DOCK1: variants seen among roughly 807,000 people sequenced by gnomAD.
The protein encoded by DOCK1 is dedicator of cytokinesis 1.
A neutral mutation model predicts 262.7 loss-of-function variants in DOCK1; 138 were observed. The observed-to-expected ratio is 0.53, with a 90% confidence interval of 0.46 to 0.61. The LOEUF is 0.61. Ranked by LOEUF, DOCK1 falls within the 20% of genes least tolerant of loss-of-function variation. The pLI is 0.00. For missense variants in DOCK1, 1,908 were observed against 2,370.7 expected, an observed-to-expected ratio of 0.80 and a Z score of 4.05; for synonymous variants, 866 against 867.4, an observed-to-expected ratio of 1.00 and a Z score of 0.03.
chr10:127,400,242 G>A (rs1453866067), intron 38 of DOCK1, among the ~76,000 whole-genome samples: 3 of 152,138 alleles, frequency 2.0e-5, no homozygotes, highest in African/African-American at 7.2e-5. Flanking sequence ...AGTACTTTGG[G>A]AGCATTTAAG....
At chr10:127,023,442 G>A in intron 14 of DOCK1, 118 bp downstream of exon 14, 5 of 1,383,624 alleles carry the variant, frequency 3.6e-6, no homozygotes, top group Non-Finnish European at 4.9e-6. Context: ...CCGTTTCTTG[G>A]GATTGGCGTT....
intron 23 of DOCK1, among the ~76,000 whole-genome samples, chr10:127,064,276 T>G (rs958578582): frequency 4.6e-5 from 7 of 152,142 alleles, no homozygotes; most frequent in Non-Finnish European, 8.8e-5. Flanking sequence ...CCTGGCTAAT[T>G]TTTTTGAATT....
chr10:126,970,149 G>A (rs2037989709), intron 1 of DOCK1, among the ~76,000 whole-genome samples: 1 of 152,120 alleles, frequency 6.6e-6, no homozygotes, highest in African/African-American at 2.4e-5. Flanking sequence ...AGGGGCTTAT[G>A]TAGGAGCACT....
intron 29 of DOCK1, among the ~76,000 whole-genome samples, chr10:127,330,055 T>C (rs1453987153): frequency 6.6e-6 from 1 of 152,166 alleles, no homozygotes; most frequent in Non-Finnish European, 1.5e-5. Flanking sequence ...TAACTCCGCG[T>C]TGGGGCTCCT....
At chr10:126,929,071 C>A (rs984717540) in intron 1 of DOCK1, among the ~76,000 whole-genome samples, 2 of 152,178 alleles carry the variant, frequency 1.3e-5, no homozygotes, top group Non-Finnish European at 2.9e-5. Context: ...GTGTTTAGAT[C>A]CATCAGGTAC....
At chr10:127,308,850 G>C (rs965086392) in intron 29 of DOCK1, among the ~76,000 whole-genome samples, 6 of 152,108 alleles carry the variant, frequency 3.9e-5, no homozygotes, top group African/African-American at 1.4e-4. Flanking sequence ...TGGGCTTTTG[G>C]GTTGGTTCCA....
intron 1 of DOCK1, among the ~76,000 whole-genome samples, chr10:126,957,582 C>T (rs916330738): frequency 6.6e-5 from 10 of 152,120 alleles, no homozygotes; most frequent in Admixed American, 3.9e-4. Context: ...AACTCCTGGG[C>T]TCAAGTGATC....
chr10:127,408,998 T>G, intron 40 of DOCK1, 39 bp from the exon 41 acceptor site: 1 of 1,553,146 alleles, frequency 6.4e-7, no homozygotes, highest in Middle Eastern at 1.7e-4. Context: ...TCCTGGCCCT[T>G]TCTCTGTGGT....
chr10:127,048,521 T>C (rs1416338234), intron 21 of DOCK1, among the ~76,000 whole-genome samples: 1 of 152,214 alleles, frequency 6.6e-6, no homozygotes, highest in Non-Finnish European at 1.5e-5. Context: ...TGTTGAAGCC[T>C]AAATCATCAT....
chr10:127,450,792 A>C (rs1591115022), intron 51 of DOCK1, among the ~76,000 whole-genome samples: 1 of 152,200 alleles, frequency 6.6e-6, no homozygotes, highest in Admixed American at 6.5e-5. Context: ...TTTTCTTGGA[A>C]CACAGCCACA....
intron 33 of DOCK1, among the ~76,000 whole-genome samples, chr10:127,368,649 A>G (rs1365600544): frequency 6.6e-6 from 1 of 151,898 alleles, no homozygotes; most frequent in African/African-American, 2.4e-5. Flanking sequence ...CGCGCCCCTT[A>G]TCCCATCCAC....
chr10:127,225,009 G>A (rs544340642), intron 27 of DOCK1, among the ~76,000 whole-genome samples: 3 of 152,076 alleles, frequency 2.0e-5, no homozygotes, highest in Non-Finnish European at 4.4e-5. Context: ...TGGGTAAGTT[G>A]CTACCCAAAT....
chr10:127,112,735 G>A (rs751426692), intron 25 of DOCK1, among the ~76,000 whole-genome samples: 32 of 152,090 alleles, frequency 2.1e-4, no homozygotes, highest in Admixed American at 4.6e-4. Context: ...CCGAAGCTTC[G>A]TGTCTTACAA....
chr10:126,955,294 T>G (rs1347972424), intron 1 of DOCK1, among the ~76,000 whole-genome samples: 5 of 152,258 alleles, frequency 3.3e-5, no homozygotes, highest in African/African-American at 1.2e-4. Context: ...TTCGGCTAAA[T>G]TTTGTCCTTT....
chr10:126,907,864 G>A (rs900129016), intron 1 of DOCK1, among the ~76,000 whole-genome samples: 8 of 152,020 alleles, frequency 5.3e-5, no homozygotes, highest in Non-Finnish European at 1.2e-4. Context: ...AAAACTCCAT[G>A]TTTGATTATT....
At position 127,141,680 on chromosome 10, in the gene DOCK1, A is replaced by AC. The variant is rs67915995; in HGVS notation, c.2847+13916_2847+13917insC. Among the ~76,000 whole-genome samples the AC allele has an allele frequency of 5.7e-3, 860 of 151,734 alleles. 6 individuals are homozygous for AC. Among genetic ancestry groups the AC allele is most frequent in the Non-Finnish European group, 7.2e-3 (486 of 67,892 alleles). ...AGTGAGACTTTGTCTTTAAAACAAA[A>AC]AAAAAAAAAAAGCAAATTCTACCTC... On this transcript the variant is annotated intron_variant, in intron 27 of 51. Transcript: ENST00000623213.
At chr10:127,451,190 G>A in intron 51 of DOCK1, 142 bp from the exon 52 acceptor site, 1 of 910,922 alleles carries the variant, frequency 1.1e-6, no homozygotes, top group Non-Finnish European at 1.7e-6. Context: ...CCAGCCCCAA[G>A]TCGGACAGGA....
intron 29 of DOCK1, among the ~76,000 whole-genome samples, chr10:127,287,767 T>TCC (rs397797459): frequency 6.7e-4 from 102 of 151,932 alleles, no homozygotes; most frequent in Non-Finnish European, 1.1e-3. Flanking sequence ...TTTCTGTCTC[T>TCC]TATAACGTGA....
intron 27 of DOCK1, among the ~76,000 whole-genome samples, chr10:127,197,245 C>T (rs1336209547): frequency 2.0e-5 from 3 of 152,106 alleles, no homozygotes; most frequent in African/African-American, 4.8e-5. Context: ...GGAACCCTAC[C>T]CCCCATCCAG....
Sources: allele counts gnomAD v4.1 joint callset (sites outside exome capture counted in the v4.1 genomes callset), GRCh38; gene constraint gnomAD v4.1.1; transcripts MANE v1.5; gene names NCBI Gene and HGNC (gene_info 2026-07-23, HGNC 2026-07-21).